AATF: variants seen among roughly 807,000 people sequenced by gnomAD.
AATF encodes apoptosis antagonizing transcription factor, also known as protein AATF.
Under a neutral mutation model 63.7 loss-of-function variants are expected in AATF, and 48 were observed. The ratio of observed to expected loss-of-function variants is 0.75; its 90% CI spans 0.60 to 0.96. The LOEUF is 0.96. Among genes scored for constraint, AATF ranks in the 40% least tolerant of loss-of-function variants. The pLI is 0.00. For synonymous variants in AATF, 258 were observed against 247.7 expected (o/e 1.04, Z -0.39); for missense variants, 639 against 685.7 (o/e 0.93, Z 0.76).
At chr17:37,042,737 C>CTT (rs556843023) in intron 11 of AATF, among the ~76,000 whole-genome samples, 7 of 137,402 alleles carry the variant, frequency 5.1e-5, no homozygotes, top group Admixed American at 7.3e-5. Context: ...TTTTTTCTTT[C>CTT]TTTTTTTTTT....
intron 5 of AATF, 94 bp downstream of exon 5, chr17:36,986,825 A>G: frequency 4.9e-6 from 5 of 1,023,882 alleles, no homozygotes; most frequent in South Asian, 2.9e-5. Context: ...CTTCAGGCAG[A>G]TATTAATGTT....
At chr17:36,979,064 G>T (rs922304671) in intron 4 of AATF, among the ~76,000 whole-genome samples, 1 of 151,862 alleles carries the variant, frequency 6.6e-6, no homozygotes, top group Non-Finnish European at 1.5e-5. Flanking sequence ...TCTGGCCACC[G>T]GCAATTAATA....
At chr17:37,003,536 G>A (rs1333287152) in intron 8 of AATF, among the ~76,000 whole-genome samples, 2 of 148,038 alleles carry the variant, frequency 1.4e-5, no homozygotes, top group Non-Finnish European at 3.0e-5. Context: ...AGTGCAGTGG[G>A]GCTCACTGAA....
intron 2 of AATF, among the ~76,000 whole-genome samples, chr17:36,950,959 CT>C (rs1231670891): frequency 1.3e-5 from 2 of 152,160 alleles, no homozygotes; most frequent in Non-Finnish European, 2.9e-5. Context: ...ATTGTGACCC[CT>C]GACCTTTGGT....
At chr17:37,051,991 C>A (rs2071755826) in intron 11 of AATF, among the ~76,000 whole-genome samples, 1 of 152,108 alleles carries the variant, frequency 6.6e-6, no homozygotes, top group Non-Finnish European at 1.5e-5. Flanking sequence ...GGAAGAGCCC[C>A]TGCTATCGAC....
chr17:36,989,365 C>T lies in AATF; in HGVS notation c.1268C>T (p.Pro423Leu). The T allele has an allele frequency of 6.2e-7, 1 of 1,613,990 alleles. No homozygotes were observed. Among genetic ancestry groups the T allele is most frequent in the Non-Finnish European group, 8.5e-7 (1 of 1,179,920 alleles). Residue 423 changes from proline (P) to leucine (L), a missense_variant, in exon 7 of 12, where the codon CCT (proline) becomes CTT (leucine). Transcript: ENST00000619387. The stretch of plus-strand genomic sequence containing the variant: ...TCTGTCTATCGAGTTCTTGGCAAAC[C>T]TGAGCCAGCAGCTCAGCCTGTCCCA... ...KRSVYRVLGK[P>L]EPAAQPVPES...
At chr17:36,953,460 G>A (rs902061977) in intron 3 of AATF, among the ~76,000 whole-genome samples, 164 bp downstream of exon 3, 1 of 152,168 alleles carries the variant, frequency 6.6e-6, no homozygotes, top group African/African-American at 2.4e-5. Context: ...TGTATGCTTA[G>A]CCAGCCATTT....
intron 11 of AATF, 51 bp downstream of exon 11, chr17:37,031,736 A>G (rs747699921): frequency 7.1e-7 from 1 of 1,415,490 alleles, no homozygotes; most frequent in African/African-American, 1.4e-5. Context: ...ACAGCCTGAT[A>G]TTGACCTGCT....
chr17:36,973,511 G>T (rs2071055793), intron 4 of AATF, among the ~76,000 whole-genome samples: 1 of 152,188 alleles, frequency 6.6e-6, no homozygotes, highest in South Asian at 2.1e-4. Flanking sequence ...ACAGCTTAAA[G>T]CAATGAAGGC....
At chr17:37,036,603 T>TA (rs1256859274) in intron 11 of AATF, among the ~76,000 whole-genome samples, 12 of 151,870 alleles carry the variant, frequency 7.9e-5, no homozygotes, top group African/African-American at 2.9e-4. Context: ...ATCTATTTTT[T>TA]TAAAAAAAAA....
intron 10 of AATF, among the ~76,000 whole-genome samples, chr17:37,026,090 C>A (rs933482644): frequency 2.2e-4 from 34 of 152,068 alleles, no homozygotes; most frequent in African/African-American, 6.8e-4. Context: ...AATGCCTAAC[C>A]TTAATCTCAT....
chr17:37,018,434 G>A (rs770597427), intron 8 of AATF, among the ~76,000 whole-genome samples: 1 of 152,204 alleles, frequency 6.6e-6, no homozygotes, highest in Non-Finnish European at 1.5e-5. Context: ...TGAATGTGTT[G>A]GTATCATGTG....
At chr17:36,964,802 C>A (rs767155426) in intron 4 of AATF, among the ~76,000 whole-genome samples, 42 of 118,754 alleles carry the variant, frequency 3.5e-4, no homozygotes, top group Non-Finnish European at 3.4e-5. Context: ...TCCTTTTTTT[C>A]CTAAACTTTA....
chr17:36,953,432 A>C, intron 3 of AATF, 136 bp downstream of exon 3: 1 of 1,428,790 alleles, frequency 7.0e-7, no homozygotes, highest in Non-Finnish European at 9.3e-7. Context: ...CTTACCCAGA[A>C]GCCTAAAGCC....
intron 4 of AATF, among the ~76,000 whole-genome samples, chr17:36,959,126 C>CAA (rs111727673): frequency 0.038 from 5,734 of 149,178 alleles, 362 homozygotes; most frequent in African/African-American, 0.13. Context: ...GCCTGGGCAA[C>CAA]GAGCAAAACT....
chr17:37,051,483 T>G (rs1272836983), intron 11 of AATF, among the ~76,000 whole-genome samples: 1 of 152,130 alleles, frequency 6.6e-6, no homozygotes, highest in Non-Finnish European at 1.5e-5. Context: ...TGAGTGCACA[T>G]GTGGAACTGA....
chr17:36,974,100 C>A (rs2071061804), intron 4 of AATF, among the ~76,000 whole-genome samples: 1 of 151,440 alleles, frequency 6.6e-6, no homozygotes, highest in Non-Finnish European at 1.5e-5. Context: ...CAGAAAATAG[C>A]CAAGCAAAAT....
intron 11 of AATF, among the ~76,000 whole-genome samples, chr17:37,036,604 T>TTA (rs1313056858): frequency 1.4e-5 from 2 of 147,714 alleles, no homozygotes; most frequent in African/African-American, 4.9e-5. Context: ...TCTATTTTTT[T>TTA]AAAAAAAAAA....
intron 11 of AATF, among the ~76,000 whole-genome samples, chr17:37,037,295 G>A (rs919096213): frequency 2.0e-5 from 3 of 152,144 alleles, no homozygotes; most frequent in South Asian, 4.1e-4. Context: ...GATTATAGGC[G>A]TGAGCCACCA....
Sources: gnomAD v4.1 joint callset for allele counts (sites outside exome capture counted in the v4.1 genomes callset) on GRCh38, gnomAD v4.1.1 for gene constraint, MANE v1.5 for transcripts, NCBI Gene and HGNC (gene_info 2026-07-23, HGNC 2026-07-21) for gene names.